The following SGMS1 variants were observed in gnomAD, a reference collection of about 807,000 sequenced individuals.
SGMS1 encodes the protein sphingomyelin synthase 1.
SGMS1 carries 13 observed loss-of-function variants against 46.2 expected under a neutral mutation model. That is an observed-to-expected ratio of 0.28 (90% CI 0.18 to 0.45). The LOEUF (loss-of-function observed/expected upper bound fraction) is 0.45. Ranked by LOEUF, SGMS1 falls within the 20% of genes least tolerant of loss-of-function variation. The pLI, the probability that SGMS1 is intolerant of heterozygous loss-of-function variation, is 1.00. For synonymous variants in SGMS1, 203 were observed against 187.8 expected (o/e 1.08, Z -0.66); for missense variants, 324 against 519.9 (o/e 0.62, Z 3.66).
intron 1 of SGMS1, among the ~76,000 whole-genome samples, chr10:50,615,933 T>C (rs1257759752): frequency 1.3e-5 from 2 of 152,130 alleles, no homozygotes; most frequent in African/African-American, 4.8e-5. Context: ...CAGTCGACTG[T>C]AAAATTCTTT....
chr10:50,538,000 A>T (rs201586834), intron 2 of SGMS1, among the ~76,000 whole-genome samples: 1 of 152,134 alleles, frequency 6.6e-6, no homozygotes, highest in Non-Finnish European at 1.5e-5. Flanking sequence ...GCTACTCAGG[A>T]GGCTGGGGCA....
chr10:50,603,488 TACAC>T (rs1303640076), intron 1 of SGMS1, among the ~76,000 whole-genome samples: 1 of 152,202 alleles, frequency 6.6e-6, no homozygotes, highest in Non-Finnish European at 1.5e-5. Context: ...GAGTGGATCT[TACAC>T]AGAGAAAGCA....
chr10:50,512,079 T>C (rs1368591496), intron 3 of SGMS1, among the ~76,000 whole-genome samples: 3 of 152,098 alleles, frequency 2.0e-5, no homozygotes, highest in African/African-American at 4.8e-5. Context: ...AGGGAGTGGA[T>C]TGTGAAACAG....
At chr10:50,476,187 T>C (rs536860173) in intron 3 of SGMS1, among the ~76,000 whole-genome samples, 1 of 136,190 alleles carries the variant, frequency 7.3e-6, no homozygotes, top group Non-Finnish European at 1.5e-5. Flanking sequence ...GGCAGGAGAG[T>C]CATTTGAACT....
intron 6 of SGMS1, among the ~76,000 whole-genome samples, chr10:50,347,816 G>C (rs1847938805): frequency 6.6e-6 from 1 of 152,178 alleles, no homozygotes; most frequent in Admixed American, 6.5e-5. Flanking sequence ...GAGAGGAAGA[G>C]TCACATAATC....
At chr10:50,432,873 A>G (rs994841276) in intron 6 of SGMS1, among the ~76,000 whole-genome samples, 2 of 152,194 alleles carry the variant, frequency 1.3e-5, no homozygotes, top group African/African-American at 4.8e-5. Context: ...TCAAAAATAT[A>G]TGATCTTTCC....
chr10:50,362,723 A>G (rs1481613571), intron 6 of SGMS1, among the ~76,000 whole-genome samples: 2 of 152,210 alleles, frequency 1.3e-5, no homozygotes, highest in African/African-American at 4.8e-5. Context: ...TTACCAAACC[A>G]TGAATTTGAT....
At chr10:50,467,464 C>T (rs1837340915) in intron 3 of SGMS1, among the ~76,000 whole-genome samples, 1 of 152,148 alleles carries the variant, frequency 6.6e-6, no homozygotes, top group Admixed American at 6.6e-5. Flanking sequence ...CTTAAAAATG[C>T]TTCCATGTTT....
chr10:50,469,680 G>T (rs1439406806), intron 3 of SGMS1, among the ~76,000 whole-genome samples: 1 of 152,068 alleles, frequency 6.6e-6, no homozygotes, highest in East Asian at 1.9e-4. Flanking sequence ...ACTGGTGGTG[G>T]GGGGAGTGTG....
rs1201111487 is a variant in SGMS1 at position 50,501,167 on chromosome 10, GC to G, written c.-498+18663del. Among the ~76,000 whole-genome samples, 13 of 152,132 alleles carry G rather than the reference GC, an allele frequency of 8.5e-5. No individual in the cohort carries two copies. The East Asian group carries it at 2.3e-3, about 27-fold the overall frequency. ...TAATATCTATACTTCCCCCAAATGT[GC>G]CCTTCTGTGGTACCCTCACTCATGC... On this transcript the variant is annotated intron_variant, in intron 3 of 10. Coordinates refer to ENST00000361781, the MANE Select transcript of SGMS1 (RefSeq NM_147156.4).
intron 3 of SGMS1, among the ~76,000 whole-genome samples, chr10:50,473,515 C>T (rs1344512404): frequency 6.6e-6 from 1 of 152,138 alleles, no homozygotes; most frequent in Non-Finnish European, 1.5e-5. Context: ...TTCCAAGTCT[C>T]AAAACCTGTC....
chr10:50,408,738 C>T lies in SGMS1; in HGVS notation c.-232+24738G>A, dbSNP rs191146408. Among the ~76,000 whole-genome samples the T allele has an allele frequency of 2.9e-4, 44 of 151,918 alleles. No homozygotes were observed. In the East Asian group the frequency reaches 6.6e-3, roughly 23 times the overall value. ...GCCTGTAGTCCCAGCTACTGGGGTG[C>T]GTCTCAAGTATCCCAGCTATTGGGT... On this transcript the variant is annotated intron_variant, in intron 6 of 10. Coordinates refer to ENST00000361781, the MANE Select transcript of SGMS1 (RefSeq NM_147156.4).
chr10:50,396,103 C>T (rs1254005087), intron 6 of SGMS1, among the ~76,000 whole-genome samples: 2 of 152,118 alleles, frequency 1.3e-5, no homozygotes, highest in Admixed American at 1.3e-4. Context: ...TGATGAAAAA[C>T]GTTAACAAAA....
chr10:50,624,531 G>A (rs561604373), upstream of SGMS1: 12 of 941,100 alleles, frequency 1.3e-5, no homozygotes, highest in Middle Eastern at 5.4e-4. Context: ...GGAGCGCGAC[G>A]GAGGCGCAAG....
At chr10:50,570,300 G>A (rs1033768693) in intron 2 of SGMS1, among the ~76,000 whole-genome samples, 4 of 152,112 alleles carry the variant, frequency 2.6e-5, no homozygotes, top group African/African-American at 9.7e-5. Context: ...ACATCACTGT[G>A]CTTAACAGAA....
rs562586453 is a variant in SGMS1, at chr10:50,382,991, A to G, written c.-231-38646T>C. ...TTTGTAAAGTCTTTAGAAGGAAGTT[A>G]TTAACTTCAGGAGTCATAAACTCTA... On this transcript the variant is annotated intron_variant, in intron 6 of 10. Coordinates refer to ENST00000361781, the MANE Select transcript of SGMS1 (RefSeq NM_147156.4). 3.3e-5 allele frequency among the ~76,000 whole-genome samples: 5 copies of G among 152,356 alleles called. No homozygotes were observed. The South Asian group carries it at 1.0e-3, about 32-fold the overall frequency.
intron 3 of SGMS1, among the ~76,000 whole-genome samples, chr10:50,499,982 C>T (rs4935713): frequency 0.18 from 27,282 of 152,168 alleles, 2,798 homozygotes; most frequent in Admixed American, 0.24. Context: ...GCCTGACCAA[C>T]ATGGTGAAAT....
chr10:50,513,107 C>G (rs992319625), intron 3 of SGMS1, among the ~76,000 whole-genome samples: 5 of 152,190 alleles, frequency 3.3e-5, no homozygotes, highest in African/African-American at 7.2e-5. Context: ...TTCTTGGATG[C>G]AAGGTGTTAA....
chr10:50,588,104 C>T (rs750664145), intron 2 of SGMS1, among the ~76,000 whole-genome samples: 4 of 152,140 alleles, frequency 2.6e-5, no homozygotes, highest in Admixed American at 6.5e-5. Context: ...CATAACCATA[C>T]AGAGGCCAAA....
Sources: gnomAD v4.1 joint callset for allele counts (sites outside exome capture counted in the v4.1 genomes callset) on GRCh38, gnomAD v4.1.1 for gene constraint, MANE v1.5 for transcripts, NCBI Gene and HGNC (gene_info 2026-07-23, HGNC 2026-07-21) for gene names.